Variants in MTNR1A observed in about 807,000 individuals in gnomAD.
MTNR1A encodes the protein melatonin receptor 1A.
Under a neutral mutation model 5.5 loss-of-function variants are expected in MTNR1A, and 7 were observed. The observed-to-expected ratio is 1.28, with a 90% CI of 0.73 to 2.40. The LOEUF (loss-of-function observed/expected upper bound fraction) is 2.40. Among genes scored for constraint, MTNR1A ranks in the 30% most tolerant of loss-of-function variants. The pLI, the probability that MTNR1A is intolerant of heterozygous loss-of-function variation, is 0.00. For synonymous variants in MTNR1A, 196 were observed against 202.7 expected, an observed-to-expected ratio of 0.97 and a Z score of 0.28; for missense variants, 441 against 464.4, an observed-to-expected ratio of 0.95 and a Z score of 0.46.
intron 1 of MTNR1A, among the ~76,000 whole-genome samples, chr4:186,539,198 A>G (rs1736949316): frequency 7.2e-6 from 1 of 139,570 alleles, no homozygotes; most frequent in African/African-American, 2.7e-5. Context: ...GCCTGGCAAC[A>G]GAGCAAGACT....
At chr4:186,538,047 A>G (rs1736913966) in intron 1 of MTNR1A, among the ~76,000 whole-genome samples, 1 of 152,216 alleles carries the variant, frequency 6.6e-6, no homozygotes, top group South Asian at 2.1e-4. Flanking sequence ...CAGACAACTA[A>G]AATGTCAGCT....
chr4:186,554,718 C>G (rs1024310474), intron 1 of MTNR1A, among the ~76,000 whole-genome samples: 2 of 152,212 alleles, frequency 1.3e-5, no homozygotes, highest in Non-Finnish European at 2.9e-5. Flanking sequence ...ACTGTAGGCT[C>G]GTAACTGCAG....
At chr4:186,543,116 G>A (rs557187209) in intron 1 of MTNR1A, among the ~76,000 whole-genome samples, 1 of 152,252 alleles carries the variant, frequency 6.6e-6, no homozygotes, top group African/African-American at 2.4e-5. Context: ...CCAGAAAACT[G>A]GAGGTTGAGA....
intron 1 of MTNR1A, among the ~76,000 whole-genome samples, chr4:186,535,379 T>C (rs1426468213): frequency 6.8e-6 from 1 of 146,326 alleles, no homozygotes; most frequent in African/African-American, 2.5e-5. Flanking sequence ...ACAACACATA[T>C]TTAATTACAG....
intron 1 of MTNR1A, among the ~76,000 whole-genome samples, chr4:186,546,756 T>A: frequency 4.4e-5 from 6 of 137,432 alleles, no homozygotes; most frequent in South Asian, 2.3e-4. Context: ...TCCGCCTCGC[T>A]CCCTGTTCAT....
rs1171477395 is a variant in MTNR1A, at chr4:186,534,446, T to G, written c.296A>C (p.His99Pro). ...FNNGWNLGYL[H>P]CQVSGFLMGL... Reference sequence around the variant, plus strand: ...CATCAGGAACCCACTGACTTGGCAGTGCAGATAGCCCAGGTTCCACCCGTT... The same window carrying G: ...CATCAGGAACCCACTGACTTGGCAGGGCAGATAGCCCAGGTTCCACCCGTT... The change falls in exon 2 of 2, where the codon CAC (histidine) becomes CCC (proline). Residue 99 changes from histidine (H) to proline (P), a missense_variant. Transcript: ENST00000307161. The G allele has an allele frequency of 6.2e-7, 1 of 1,614,124 alleles. No individual in the cohort carries two copies. The highest frequency in any genetic ancestry group is 1.7e-5 in the Admixed American group (1 of 60,020).
chr4:186,552,230 C>T (rs1422410977), intron 1 of MTNR1A, among the ~76,000 whole-genome samples: 1 of 152,140 alleles, frequency 6.6e-6, no homozygotes. Flanking sequence ...CTATTATGTG[C>T]TATTTCTTTA....
chr4:186,549,355 G>A (rs1737221156), intron 1 of MTNR1A, among the ~76,000 whole-genome samples: 1 of 152,172 alleles, frequency 6.6e-6, no homozygotes, highest in South Asian at 2.1e-4. Context: ...TAGTTCTCCA[G>A]CAGGCGTTTC....
chr4:186,541,998 G>C (rs755084128), intron 1 of MTNR1A, among the ~76,000 whole-genome samples: 1 of 152,210 alleles, frequency 6.6e-6, no homozygotes, highest in Non-Finnish European at 1.5e-5. Flanking sequence ...GTGTATATCA[G>C]TTAATCTGTC....
chr4:186,540,013 G>A (rs531914170), intron 1 of MTNR1A, among the ~76,000 whole-genome samples: 3 of 152,304 alleles, frequency 2.0e-5, no homozygotes, highest in South Asian at 2.1e-4. Context: ...ACGTGGCTGG[G>A]GAAGCCTCAC....
In MTNR1A at chr4:186,555,171, G is replaced by C. The variant is rs1257050489; in HGVS notation, c.184+11C>G. On this transcript the variant is annotated intron_variant, in intron 1 of 1. Coordinates refer to ENST00000307161, the MANE Select transcript of MTNR1A (RefSeq NM_005958.4). The surrounding 1 kb of genome is among the most constrained non-coding windows in gnomAD (Gnocchi z 4.1). ...GGAGCGCTGGCCCAGGGGAGGCGGC[G>C]CGGGCCCTACCTGCGTTCCTGAGCT... is the stretch of plus-strand genomic sequence containing the variant. 6.3e-7 allele frequency: 1 copy of C among 1,586,910 alleles called. No homozygotes were observed. The highest frequency in any genetic ancestry group is 8.6e-7 in the Non-Finnish European group (1 of 1,167,356).
At chr4:186,554,287 T>G (rs1319168405) in intron 1 of MTNR1A, among the ~76,000 whole-genome samples, 1 of 152,046 alleles carries the variant, frequency 6.6e-6, no homozygotes, top group African/African-American at 2.4e-5. Context: ...CTAAGCAAAA[T>G]TAGAGCTTTT....
At chr4:186,546,870 A>T (rs1197903175) in intron 1 of MTNR1A, among the ~76,000 whole-genome samples, 5 of 139,028 alleles carry the variant, frequency 3.6e-5, no homozygotes, top group Admixed American at 2.8e-4. Context: ...CACACCGTCC[A>T]CACCACACCC....
At chr4:186,547,262 TCA>T (rs1737172133) in intron 1 of MTNR1A, among the ~76,000 whole-genome samples, 1 of 67,488 alleles carries the variant, frequency 1.5e-5, no homozygotes, top group Non-Finnish European at 3.0e-5. Context: ...CACACCCTGT[TCA>T]TGGGACACAC....
At position 186,554,992 on chromosome 4, in the gene MTNR1A, G is replaced by A. The variant is rs577932138; in HGVS notation, c.184+190C>T. On this transcript the variant is annotated intron_variant, in intron 1 of 1. Transcript: ENST00000307161. ...TGGTGGAGTGTCCCACCTCTTAGGG[G>A]CTGTGACTCCGCGCCTTATGAAAAG... 3.9e-5 allele frequency among the ~76,000 whole-genome samples: 6 copies of A among 152,314 alleles called. No homozygotes were observed. The East Asian group carries it at 7.7e-4, about 20-fold the overall frequency.
At chr4:186,534,955 C>T (rs1160801014) in intron 1 of MTNR1A, among the ~76,000 whole-genome samples, 1 of 152,190 alleles carries the variant, frequency 6.6e-6, no homozygotes, top group Non-Finnish European at 1.5e-5. Context: ...AGTCTTCATT[C>T]CCTCTGTAGT....
chr4:186,536,200 G>T (rs138932658), intron 1 of MTNR1A, among the ~76,000 whole-genome samples: 5 of 151,890 alleles, frequency 3.3e-5, no homozygotes, highest in African/African-American at 4.8e-5. Context: ...ACAAAAATTC[G>T]CTGGGCGTGG....
At chr4:186,548,159 T>C (rs138635561) in intron 1 of MTNR1A, among the ~76,000 whole-genome samples, 5 of 152,304 alleles carry the variant, frequency 3.3e-5, no homozygotes, top group Admixed American at 1.3e-4. Context: ...TTTTTTCCCT[T>C]AGGCACTTTT....
Position 186,533,803 on chromosome 4 carries a change from G to C in MTNR1A, c.939C>G (p.Leu313=). 6.2e-7 allele frequency: 1 copy of C among 1,614,190 alleles called. No homozygotes were observed. The change falls in exon 2 of 2, where the codon CTC becomes CTG. Residue 313 remains leucine, a synonymous_variant. Transcript: ENST00000307161. The stretch of plus-strand genomic sequence containing the variant: ...CCACAAAGAACACCCTGGCTGTACA[G>C]AGCGAGACTATAATTCTCCTGTATT... ...RKEYRRIIVS[L]CTARVFFVDS...
Sources: allele counts gnomAD v4.1 joint callset (sites outside exome capture counted in the v4.1 genomes callset), GRCh38; gene constraint gnomAD v4.1.1; non-coding constraint Gnocchi (gnomAD v3.1); transcripts MANE v1.5; gene names NCBI Gene and HGNC (gene_info 2026-07-23, HGNC 2026-07-21).